The following ESCO2 variants were observed in gnomAD, a reference collection of about 807,000 sequenced individuals.
ESCO2 encodes the protein establishment of sister chromatid cohesion N-acetyltransferase 2, also known as N-acetyltransferase ESCO2.
ESCO2 carries 51 observed loss-of-function variants against 61.7 expected under a neutral mutation model. The observed-to-expected ratio is 0.83, with a 90% CI of 0.66 to 1.04. The LOEUF (loss-of-function observed/expected upper bound fraction) is 1.04, where lower values mean the gene tolerates loss of function less well. Ranked by LOEUF, ESCO2 falls within the 50% of genes least tolerant of loss-of-function variation. The probability of loss-of-function intolerance (pLI) is 0.00; values close to 1 mark genes in which losing one functional copy is unlikely to be tolerated. For synonymous variants in ESCO2, 230 were observed against 238.2 expected (o/e 0.97, Z 0.32); for missense variants, 692 against 686.2 (o/e 1.01, Z -0.09).
Position 27,783,868 on chromosome 8 carries a change from T to TTGAGGA in ESCO2, c.956-132_956-131insTGAGGA, listed in dbSNP as rs551035812. ...TCTGTTGAGGACTGTTTTTCCTCCATGGAATTACCTTTGCCTCTTTGTTAA... is the reference window on the plus strand; with the variant it reads ...TCTGTTGAGGACTGTTTTTCCTCCATTGAGGAGGAATTACCTTTGCCTCTTTGTTAA... On this transcript the variant is annotated intron_variant, in intron 4 of 10. Coordinates refer to ENST00000305188, the MANE Select transcript of ESCO2 (RefSeq NM_001017420.3). The TTGAGGA allele has an allele frequency of 1.4e-3, 1,161 of 857,156 alleles. 3 individuals are homozygous for TTGAGGA. The highest frequency in any genetic ancestry group is 2.4e-3 in the Middle Eastern group (8 of 3,268). The allele number at this position is 857,156 out of a possible 1,614,324, so 53.1% of individuals were successfully genotyped here. A position where few individuals can be genotyped will look rare whatever the true frequency, so the allele number is the denominator to read the frequency against.
At chr8:27,799,826 T>A in intron 10 of ESCO2, 110 bp downstream of exon 10, 2 of 1,298,710 alleles carry the variant, frequency 1.5e-6, no homozygotes, top group South Asian at 1.2e-5. Flanking sequence ...TCAGTATAAA[T>A]ACTATTAAAG....
chr8:27,811,823 T>C (rs1805690804), downstream of ESCO2, among the ~76,000 whole-genome samples: 2 of 152,216 alleles, frequency 1.3e-5, no homozygotes, highest in Admixed American at 1.3e-4. Flanking sequence ...TTCTCAGTGA[T>C]GCTTTATAGT....
At chr8:27,816,343 C>CTTATATATATATATATATATA (rs1554559818), downstream of ESCO2, among the ~76,000 whole-genome samples, 4 of 136,356 alleles carry the variant, frequency 2.9e-5, no homozygotes, top group African/African-American at 1.2e-4. Flanking sequence ...TCATCGAATA[C>CTTATATATATATATATATATA]TATATATATA....
At chr8:27,815,040 AAAC>A (rs1486688708), downstream of ESCO2, among the ~76,000 whole-genome samples, 7 of 152,236 alleles carry the variant, frequency 4.6e-5, no homozygotes, top group African/African-American at 1.7e-4. Flanking sequence ...GTTAGAGTGA[AAAC>A]AATATAATTC....
Position 27,787,983 on chromosome 8 carries a change from C to A in ESCO2, c.1112C>A (p.Thr371Lys), listed in dbSNP as rs199747189. Residue 371 changes from threonine (T) to lysine (K), a missense_variant, in exon 6 of 11, where the codon ACA (threonine) becomes AAA (lysine). By Grantham distance (78) the Thr-to-Lys change is moderately conservative. Coordinates refer to ENST00000305188, the MANE Select transcript of ESCO2 (RefSeq NM_001017420.3). ...AATACCAGAGATACAAGTAAAAAAA[C>A]AAAAGACCAGCTCATCATCGTGAGT... ...NTNTRDTSKK[T>K]KDQLIIDAGQ... 19 of 1,611,816 alleles carry A rather than the reference C, an allele frequency of 1.2e-5. No homozygotes were observed. In the East Asian group the frequency reaches 3.3e-4, roughly 28 times the overall value.
Position 27,775,554 on chromosome 8 carries a change from T to C in ESCO2, c.40T>C (p.Leu14=). Residue 14 remains leucine (L), a synonymous_variant, in exon 2 of 11, where the codon TTG becomes CTG. Transcript: ENST00000305188. ...LTPRKRKQDS[L]KCDSLLHFTE... is the part of the protein sequence containing the mutation. ...TCCAAGGAAGAGGAAGCAGGATTCT[T>C]TGAAGTGTGACAGGTGAATCTCAGC... 1.9e-6 allele frequency: 3 copies of C among 1,614,142 alleles called. No homozygotes were observed. The highest frequency in any genetic ancestry group is 2.5e-6 in the Non-Finnish European group (3 of 1,179,996).
chr8:27,798,924 T>C (rs1337945054), intron 9 of ESCO2, among the ~76,000 whole-genome samples: 3 of 152,184 alleles, frequency 2.0e-5, no homozygotes, highest in Non-Finnish European at 4.4e-5. Context: ...GGTGACTCAA[T>C]AGTTCTGCAT....
At chr8:27,812,548 A>G (rs1805709551), downstream of ESCO2, 1 of 151,958 alleles carries the variant, frequency 6.6e-6, no homozygotes, top group Non-Finnish European at 1.5e-5. Context: ...ACAGAATGGG[A>G]GAACATTTTT....
In ESCO2 at chr8:27,788,990, C is replaced by T; in HGVS notation, c.1263+12C>T. ...GAATCAAATATGTGGTGAGCCAAAA[C>T]ATAGTCTTTCAGTTTGTTCTAGAAG... On this transcript the variant is annotated intron_variant, in intron 7 of 10. Coordinates refer to ENST00000305188, the MANE Select transcript of ESCO2 (RefSeq NM_001017420.3). The T allele has an allele frequency of 6.2e-7, 1 of 1,613,934 alleles. No homozygotes were observed. Among genetic ancestry groups the T allele is most frequent in the Non-Finnish European group, 8.5e-7 (1 of 1,179,904 alleles).
At chr8:27,810,331 C>A, downstream of ESCO2, 2 of 1,612,456 alleles carry the variant, frequency 1.2e-6, no homozygotes, top group Non-Finnish European at 8.5e-7. Flanking sequence ...AGAGCTTCAA[C>A]AATGTGTGCA....
At chr8:27,806,253 C>T (rs1805559685), downstream of ESCO2, among the ~76,000 whole-genome samples, 1 of 152,156 alleles carries the variant, frequency 6.6e-6, no homozygotes, top group Non-Finnish European at 1.5e-5. Context: ...TGAGGGCAAT[C>T]AGGTTGAGTA....
the ESCO2 span, among the ~76,000 whole-genome samples, chr8:27,818,257 C>A: frequency 3.5e-4 from 53 of 152,362 alleles, no homozygotes; most frequent in African/African-American, 1.2e-3. Context: ...ACAGCAGTTA[C>A]AAGTTCTACT....
rs1385914907 is a variant in ESCO2 at position 27,805,166 on chromosome 8, C to T, written c.*1728C>T. 1.5e-5 allele frequency: 2 copies of T among 132,318 alleles called. No individual in the cohort carries two copies. The highest frequency in any genetic ancestry group is 3.2e-5 in the Non-Finnish European group (2 of 63,064). The allele number at this position is 132,318 out of a possible 1,614,324, so 8.2% of individuals were successfully genotyped here. ...GCGCGGTGGCGGGCGCCTGTAGTCC[C>T]AGCTACTCGGGAGGCTGAGGCAGGA... On this transcript the variant is annotated 3_prime_UTR_variant, in exon 11 of 11. Transcript: ENST00000305188.
At chr8:27,800,594 G>T (rs998627355) in intron 10 of ESCO2, among the ~76,000 whole-genome samples, 2 of 152,044 alleles carry the variant, frequency 1.3e-5, no homozygotes, top group Non-Finnish European at 2.9e-5. Context: ...TGACCTAGCA[G>T]TTTCACTCCT....
chr8:27,781,829 G>A (rs1804935357), intron 4 of ESCO2, among the ~76,000 whole-genome samples: 2 of 152,152 alleles, frequency 1.3e-5, no homozygotes, highest in African/African-American at 4.8e-5. Flanking sequence ...TGGGATTACA[G>A]GCATAAGCCC....
chr8:27,780,718 A>G (rs2128952433), intron 4 of ESCO2, among the ~76,000 whole-genome samples: 1 of 152,344 alleles, frequency 6.6e-6, no homozygotes, highest in Middle Eastern at 3.4e-3. Flanking sequence ...AGGTTTACTA[A>G]TAATTAGCTG....
downstream of ESCO2, chr8:27,810,910 A>T (rs1805664994): frequency 1.7e-6 from 2 of 1,162,632 alleles, no homozygotes; most frequent in Non-Finnish European, 2.6e-6. Flanking sequence ...TATAATCTTT[A>T]GTGTGAAATG....
chr8:27,814,536 C>T (rs1049431935), downstream of ESCO2, among the ~76,000 whole-genome samples: 2 of 151,940 alleles, frequency 1.3e-5, no homozygotes, highest in Admixed American at 1.3e-4. Flanking sequence ...CTGCTCATAG[C>T]TTTATTCCCT....
chr8:27,795,807 T>A (rs1805283256), intron 9 of ESCO2, among the ~76,000 whole-genome samples: 1 of 152,218 alleles, frequency 6.6e-6, no homozygotes, highest in Non-Finnish European at 1.5e-5. Context: ...GATGTGCATG[T>A]ATTGAGCCAT....
Sources: allele counts gnomAD v4.1 joint callset (sites outside exome capture counted in the v4.1 genomes callset), GRCh38; gene constraint gnomAD v4.1.1; transcripts MANE v1.5; gene names NCBI Gene and HGNC (gene_info 2026-07-23, HGNC 2026-07-21).